DDX43: variants seen among roughly 807,000 people sequenced by gnomAD.
DDX43 encodes the protein DEAD-box helicase 43.
Under a neutral mutation model 84.9 loss-of-function variants are expected in DDX43, and 50 were observed. The ratio of observed to expected loss-of-function variants is 0.59; its 90% confidence interval spans 0.47 to 0.75. DDX43 has a LOEUF of 0.75. Ranked by LOEUF, DDX43 falls within the 30% of genes least tolerant of loss-of-function variation. The pLI is 0.00. For synonymous variants in DDX43, 291 were observed against 266.3 expected, an observed-to-expected ratio of 1.09 and a Z score of -0.90; for missense variants, 689 against 798.6, an observed-to-expected ratio of 0.86 and a Z score of 1.65.
At chr6:73,413,468 G>C (rs970681791) in intron 11 of DDX43, 190 bp from the exon 12 acceptor site, 2 of 455,784 alleles carry the variant, frequency 4.4e-6, no homozygotes, top group Non-Finnish European at 7.7e-6. Flanking sequence ...ATAGTATTTT[G>C]AGGTTAAGTG....
rs1291360235 is a variant in DDX43, at chr6:73,394,878, G to C, written c.-28G>C. 6.2e-7 allele frequency: 1 copy of C among 1,610,970 alleles called. No individual in the cohort carries two copies. Among genetic ancestry groups the C allele is most frequent in the Non-Finnish European group, 8.5e-7 (1 of 1,178,196 alleles). ...AGGTGGTGCAGAGCTGGACGGCAAC[G>C]ACGTCGGACGCGCCCCTTCTTGGAA... On this transcript the variant is annotated 5_prime_UTR_variant, in exon 1 of 17. Coordinates refer to ENST00000370336, the MANE Select transcript of DDX43 (RefSeq NM_018665.3).
chr6:73,401,994 A>T lies in DDX43; in HGVS notation c.568+4A>T. 4 of 1,613,604 alleles carry T rather than the reference A, an allele frequency of 2.5e-6. No homozygotes were observed. Among genetic ancestry groups the T allele is most frequent in the Non-Finnish European group, 3.4e-6 (4 of 1,179,828 alleles). ...TGGCAAAAAACAAAGTGGGCAGGTC[A>T]GTGCTGCTTCCTAATATTTACATAT... is the stretch of plus-strand genomic sequence containing the variant. On this transcript the variant is annotated splice_donor_region_variant and intron_variant, in intron 4 of 16. Coordinates refer to ENST00000370336, the MANE Select transcript of DDX43 (RefSeq NM_018665.3).
intron 12 of DDX43, 43 bp downstream of exon 12, chr6:73,413,828 G>A (rs1283845078): frequency 1.9e-6 from 3 of 1,583,922 alleles, no homozygotes; most frequent in Non-Finnish European, 2.6e-6. Flanking sequence ...TAATTAAATT[G>A]ATTAGGATCA....
intron 11 of DDX43, among the ~76,000 whole-genome samples, chr6:73,412,671 G>GCGCGCA (rs1379075616): frequency 1.0e-5 from 1 of 98,984 alleles, no homozygotes; most frequent in African/African-American, 4.6e-5. Flanking sequence ...GTGTGTGTGC[G>GCGCGCA]CGCGCGCGTG....
chr6:73,412,553 A>G (rs1233333469), intron 11 of DDX43, among the ~76,000 whole-genome samples: 2 of 148,216 alleles, frequency 1.3e-5, no homozygotes, highest in Non-Finnish European at 3.0e-5. Flanking sequence ...TCAGAGTCTC[A>G]CTGTATTGCC....
Position 73,395,113 on chromosome 6 carries a change from C to A in DDX43, c.208C>A (p.Leu70Met). Reference protein sequence around the residue: ...AVAAGHEELPLCFALKSHFVG... With the variant: ...AVAAGHEELPMCFALKSHFVG... ...GGCCGCTGGTCACGAGGAACTGCCG[C>A]TGTGTTTTGCTTTGAAGAGCCACTT... is the stretch of plus-strand genomic sequence containing the variant. The change falls in exon 1 of 17, where the codon CTG becomes ATG. Residue 70 changes from leucine (L) to methionine (M), a missense_variant. Leu to Met is a conservative substitution (Grantham distance 15). Coordinates refer to ENST00000370336, the MANE Select transcript of DDX43 (RefSeq NM_018665.3). 1 of 1,614,060 alleles carries A rather than the reference C, an allele frequency of 6.2e-7. No individual in the cohort carries two copies. The highest frequency in any genetic ancestry group is 8.5e-7 in the Non-Finnish European group (1 of 1,179,932).
chr6:73,408,216 C>T (rs747348122), intron 9 of DDX43, 115 bp downstream of exon 9: 17 of 1,049,258 alleles, frequency 1.6e-5, no homozygotes, highest in Non-Finnish European at 2.2e-5. Context: ...AGGTGGATCA[C>T]CTAAGGTCAG....
rs574060534 is a variant in DDX43, at chr6:73,406,732, A to G, written c.926+250A>G. 7.9e-5 allele frequency among the ~76,000 whole-genome samples: 12 copies of G among 152,372 alleles called. No homozygotes were observed. In the South Asian group the frequency reaches 1.9e-3, roughly 24 times the overall value. On this transcript the variant is annotated intron_variant, in intron 7 of 16. Coordinates refer to ENST00000370336, the MANE Select transcript of DDX43 (RefSeq NM_018665.3). ...AGTGGAAACTGTTTAAACTATGTCC[A>G]ATACACTTATCTATTCCATGATAAA...
intron 4 of DDX43, 80 bp from the exon 5 acceptor site, chr6:73,404,610 A>C (rs765839122): frequency 5.8e-6 from 6 of 1,036,464 alleles, no homozygotes; most frequent in Non-Finnish European, 8.9e-6. Context: ...AATATATTGT[A>C]GTATGATTTC....
intron 8 of DDX43, 144 bp downstream of exon 8, chr6:73,407,759 T>C (rs905828331): frequency 2.3e-5 from 18 of 786,190 alleles, no homozygotes; most frequent in Admixed American, 1.1e-4. Flanking sequence ...CTCTAATCAG[T>C]CAGAGCCTGG....
At position 73,409,298 on chromosome 6, in the gene DDX43, A is replaced by G. The variant is rs1245566675; in HGVS notation, c.1230A>G (p.Ile410Met). ...TGGACATGGGATTTGAACCCCAGAT[A>G]ATGAAGATTTTGTTAGATGTGCGCC... ...KMLDMGFEPQ[I>M]MKILLDVRPD... is the part of the protein sequence containing the mutation. The change falls in exon 10 of 17, where the codon ATA (isoleucine) becomes ATG (methionine). Residue 410 changes from isoleucine to methionine, a missense_variant. Physicochemically the swap from Ile to Met is conservative, Grantham distance 10. This residue lies in a region of DDX43 where 552 missense variants were observed against 692.7 expected (regional missense o/e 0.80). Transcript: ENST00000370336. 1.2e-6 allele frequency: 2 copies of G among 1,614,160 alleles called. No individual in the cohort carries two copies. Among genetic ancestry groups the G allele is most frequent in the Non-Finnish European group, 1.7e-6 (2 of 1,180,014 alleles).
chr6:73,395,060 G>GAGGCACCTCT lies in DDX43; in HGVS notation c.160_169dup (p.Pro57HisfsTer3). The GAGGCACCTCT allele has an allele frequency of 6.2e-7, 1 of 1,613,576 alleles. No individual in the cohort carries two copies. The highest frequency in any genetic ancestry group is 8.5e-7 in the Non-Finnish European group (1 of 1,179,824). On this transcript the variant is annotated frameshift_variant, in exon 1 of 17. Transcript: ENST00000370336. LOFTEE classifies it high-confidence loss of function. ...AGTGTCGGCAGAGGTGGTCGCTGGA[G>GAGGCACCTCT]AGGCACCTCTAGGCCCCCGGAGGCC... is the stretch of plus-strand genomic sequence containing the variant.
intron 4 of DDX43, 118 bp downstream of exon 4, chr6:73,402,108 T>A: frequency 2.3e-6 from 3 of 1,319,162 alleles, no homozygotes; most frequent in Non-Finnish European, 3.2e-6. Flanking sequence ...TAGTAAAATC[T>A]AAAATGCTGC....
chr6:73,413,880 GT>G (rs1769851890), intron 12 of DDX43, 89 bp from the exon 13 acceptor site: 2 of 1,527,466 alleles, frequency 1.3e-6, no homozygotes, highest in Non-Finnish European at 1.8e-6. Flanking sequence ...TGATAAGTCT[GT>G]TATGTTACTT....
chr6:73,404,917 CATT>C (rs1171960025), intron 5 of DDX43, 146 bp downstream of exon 5: 2 of 706,606 alleles, frequency 2.8e-6, no homozygotes, highest in East Asian at 2.8e-5. Flanking sequence ...TATTTTAGAA[CATT>C]GTTGTCTAGT....
rs1225345090 is a variant in DDX43, at chr6:73,404,729, C to T, written c.608C>T (p.Thr203Ile). ...PIKKNFYKES[T>I]ATSAMSKVEA... is the part of the protein sequence containing the mutation. The stretch of plus-strand genomic sequence containing the variant: ...AAGAAAAACTTTTATAAAGAGTCCA[C>T]TGCCACAAGTGCCATGTCAAAAGTA... The change falls in exon 5 of 17, where the codon ACT becomes ATT. Residue 203 changes from threonine (T) to isoleucine (I), a missense_variant. Around this residue, in one of 2 missense-constraint regions of DDX43, gnomAD observed 552 missense variants for 692.7 expected, o/e 0.80. Coordinates refer to ENST00000370336, the MANE Select transcript of DDX43 (RefSeq NM_018665.3). 24 of 1,613,370 alleles carry T rather than the reference C, an allele frequency of 1.5e-5. No individual in the cohort carries two copies. Among genetic ancestry groups the T allele is most frequent in the Non-Finnish European group, 1.7e-5 (20 of 1,179,812 alleles).
intron 1 of DDX43, 129 bp from the exon 2 acceptor site, chr6:73,397,560 A>C: frequency 2.7e-6 from 2 of 750,316 alleles, no homozygotes; most frequent in Non-Finnish European, 4.3e-6. Flanking sequence ...TTTCCAAACA[A>C]AAAATGATTG....
At chr6:73,406,083 G>T (rs975279280) in intron 6 of DDX43, among the ~76,000 whole-genome samples, 1 of 151,594 alleles carries the variant, frequency 6.6e-6, no homozygotes, top group Non-Finnish European at 1.5e-5. Context: ...GAATGCAGTG[G>T]TGCAATCTCG....
Position 73,408,034 on chromosome 6 carries a change from C to G in DDX43, c.1112C>G (p.Ala371Gly). 6.2e-7 allele frequency: 1 copy of G among 1,612,246 alleles called. No individual in the cohort carries two copies. Among genetic ancestry groups the G allele is most frequent in the Non-Finnish European group, 8.5e-7 (1 of 1,179,188 alleles). Residue 371 changes from alanine (A) to glycine (G), a missense_variant, in exon 9 of 17, where the codon GCA (alanine) becomes GGA (glycine). Ala to Gly is a moderately conservative substitution (Grantham distance 60). Coordinates refer to ENST00000370336, the MANE Select transcript of DDX43 (RefSeq NM_018665.3). Reference sequence around the variant, plus strand: ...AAAAAAGGTGTAGATATCATAATTGCAACTCCCGGAAGATTGAATGATCTG... The same window carrying G: ...AAAAAAGGTGTAGATATCATAATTGGAACTCCCGGAAGATTGAATGATCTG... ...ELKKGVDIIIATPGRLNDLQM... is the reference protein window; with the variant it reads ...ELKKGVDIIIGTPGRLNDLQM...
Sources: gnomAD v4.1 joint callset for allele counts (sites outside exome capture counted in the v4.1 genomes callset) on GRCh38, gnomAD v4.1.1 for gene constraint, gnomAD v4.1.1 regional missense constraint, MANE v1.5 for transcripts, NCBI Gene and HGNC (gene_info 2026-07-23, HGNC 2026-07-21) for gene names.